Variants in KCNQ1 observed in about 807,000 individuals in gnomAD.
The protein encoded by KCNQ1 is potassium voltage-gated channel subfamily KQT member 1.
KCNQ1 carries 49 observed loss-of-function variants against 72.4 expected under a neutral mutation model. The ratio of observed to expected loss-of-function variants is 0.68; its 90% confidence interval spans 0.54 to 0.86. KCNQ1 has a LOEUF of 0.86. Among genes scored for constraint, KCNQ1 ranks in the 40% least tolerant of loss-of-function variants. The pLI is 0.00. For missense variants in KCNQ1, 790 were observed against 945.1 expected (o/e 0.84, Z 2.15); for synonymous variants, 450 against 412.6 (o/e 1.09, Z -1.10).
chr11:2,548,137 C>T (rs1343098613), intron 2 of KCNQ1, among the ~76,000 whole-genome samples: 1 of 152,080 alleles, frequency 6.6e-6, no homozygotes, highest in African/African-American at 2.4e-5. Context: ...AGGCCAGGCC[C>T]AGGATAAGGT....
chr11:2,694,337 A>G (rs1019031959), intron 11 of KCNQ1: 4 of 398,556 alleles, frequency 1.0e-5, no homozygotes, highest in African/African-American at 4.1e-5. Context: ...GGTGCCCCCC[A>G]GGGGACATAT....
chr11:2,606,251 T>G (rs1848877286), intron 10 of KCNQ1, among the ~76,000 whole-genome samples: 1 of 152,208 alleles, frequency 6.6e-6, no homozygotes, highest in Non-Finnish European at 1.5e-5. Context: ...AACTCATTCG[T>G]TGTAATTGTT....
At position 2,673,465 on chromosome 11, in the gene KCNQ1, C is replaced by G. The variant is rs1287029058; in HGVS notation, c.1514+11384C>G. 2 of 398,546 alleles carry G rather than the reference C, an allele frequency of 5.0e-6. No individual in the cohort carries two copies. The highest frequency in any genetic ancestry group is 4.1e-5 in the African/African-American group (2 of 48,630). The allele number at this position is 398,546 out of a possible 1,614,324, so 24.7% of individuals were successfully genotyped here. A position where few individuals can be genotyped will look rare whatever the true frequency, so the allele number is the denominator to read the frequency against. Reference sequence around the variant, plus strand: ...TGTTGGGCCTCCTTGAGCCGGAACACCTGAAAAGCCATACAGACTCCTGCT... The same window carrying G: ...TGTTGGGCCTCCTTGAGCCGGAACAGCTGAAAAGCCATACAGACTCCTGCT... On this transcript the variant is annotated intron_variant, in intron 11 of 15. Transcript: ENST00000155840. The surrounding 1 kb of genome is among the most constrained non-coding windows in gnomAD (Gnocchi z 4.5).
At position 2,479,145 on chromosome 11, in the gene KCNQ1, C is replaced by G. The variant is rs1846617233; in HGVS notation, c.386+33661C>G. ...ACAGCCTCCCTCCTGGCTGCTTTCA[C>G]AGGCTGGCATTGAGTGTCTGCAGCT... On this transcript the variant is annotated intron_variant, in intron 1 of 15. Transcript: ENST00000155840. The surrounding 1 kb of genome is among the most constrained non-coding windows in gnomAD (Gnocchi z 4.6). 6.6e-6 allele frequency among the ~76,000 whole-genome samples: 1 copy of G among 152,176 alleles called. No homozygotes were observed. The highest frequency in any genetic ancestry group is 2.4e-5 in the African/African-American group (1 of 41,450).
At chr11:2,615,592 G>A (rs537947465) in intron 10 of KCNQ1, 8 of 397,928 alleles carry the variant, frequency 2.0e-5, no homozygotes, top group African/African-American at 1.6e-4. Flanking sequence ...ATCCTGAAAG[G>A]TTGTAGAATT....
At chr11:2,763,743 C>A (rs1235006499) in intron 11 of KCNQ1, among the ~76,000 whole-genome samples, 1 of 151,978 alleles carries the variant, frequency 6.6e-6, no homozygotes, top group African/African-American at 2.4e-5. Flanking sequence ...TTTATTTTTT[C>A]TACAGATGGG....
chr11:2,662,536 A>G (rs1849980583), intron 11 of KCNQ1: 3 of 423,362 alleles, frequency 7.1e-6, no homozygotes, highest in African/African-American at 2.0e-5. Context: ...CTGATTTTCC[A>G]CGCCTTCCAG....
At position 2,599,251 on chromosome 11, in the gene KCNQ1, C is replaced by G. The variant is rs115979480; in HGVS notation, c.1393+10397C>G. On this transcript the variant is annotated intron_variant, in intron 10 of 15. Transcript: ENST00000155840. This position sits in a 1 kb window ranked among gnomAD's most constrained non-coding sequence, Gnocchi z 4.7. Reference sequence around the variant, plus strand: ...GCATTATCATTGTTTTCCAAACTCACGGGATCATATCATACCTGCTTTCTG... The same window carrying G: ...GCATTATCATTGTTTTCCAAACTCAGGGGATCATATCATACCTGCTTTCTG... Among the ~76,000 whole-genome samples, 1 of 152,118 alleles carries G rather than the reference C, an allele frequency of 6.6e-6. No individual in the cohort carries two copies. The highest frequency in any genetic ancestry group is 1.5e-5 in the Non-Finnish European group (1 of 68,022).
In KCNQ1 at chr11:2,818,623, C is replaced by G. The variant is rs1847669088; in HGVS notation, c.1795-29144C>G. Among the ~76,000 whole-genome samples the G allele has an allele frequency of 6.6e-6, 1 of 152,190 alleles. No individual in the cohort carries two copies. The highest frequency in any genetic ancestry group is 1.5e-5 in the Non-Finnish European group (1 of 68,030). On this transcript the variant is annotated intron_variant, in intron 15 of 15. Coordinates refer to ENST00000155840, the MANE Select transcript of KCNQ1 (RefSeq NM_000218.3). The surrounding 1 kb of genome is among the most constrained non-coding windows in gnomAD (Gnocchi z 7.2). The stretch of plus-strand genomic sequence containing the variant: ...TGGAAGCCCCCGGAATGCGGCCCAC[C>G]CTGTCTCCAGTTGTTCCCTACCAGC...
At chr11:2,675,518 A>G in intron 11 of KCNQ1, 1 of 398,686 alleles carries the variant, frequency 2.5e-6, no homozygotes, top group Non-Finnish European at 4.4e-6. Flanking sequence ...CATGCCATAC[A>G]CATTTCTTCC....
intron 15 of KCNQ1, among the ~76,000 whole-genome samples, chr11:2,780,721 C>A (rs1846808870): frequency 6.6e-6 from 1 of 152,192 alleles, no homozygotes; most frequent in Non-Finnish European, 1.5e-5. Flanking sequence ...AGGGAGTTCA[C>A]CAGTGCAGGC....
rs1850999923 is a variant in KCNQ1 at position 2,711,274 on chromosome 11, C to T, written c.1514+49193C>T. ...ACTGGGTTCTGCCCATCCTCCAGCC[C>T]ATCTCCCTTGGAGTCTCTCCCCGAC... On this transcript the variant is annotated intron_variant, in intron 11 of 15. Transcript: ENST00000155840. This position sits in a 1 kb window ranked among gnomAD's most constrained non-coding sequence, Gnocchi z 5.4. 1.3e-5 allele frequency among the ~76,000 whole-genome samples: 2 copies of T among 152,360 alleles called. No individual in the cohort carries two copies. The highest frequency in any genetic ancestry group is 2.4e-5 in the African/African-American group (1 of 41,584).
At chr11:2,490,151 G>A (rs1172350177) in intron 1 of KCNQ1, among the ~76,000 whole-genome samples, 3 of 152,246 alleles carry the variant, frequency 2.0e-5, no homozygotes, top group Non-Finnish European at 4.4e-5. Flanking sequence ...CTATGGGCCT[G>A]TAGTGGTGGT....
In KCNQ1 at chr11:2,781,523, C is replaced by T. The variant is rs1324397753; in HGVS notation, c.1794+3486C>T. 6.6e-6 allele frequency among the ~76,000 whole-genome samples: 1 copy of T among 152,186 alleles called. No homozygotes were observed. Among genetic ancestry groups the T allele is most frequent in the Non-Finnish European group, 1.5e-5 (1 of 68,022 alleles). ...GAGAGAGCTGGCCCTGCCCACTCCC[C>T]CTCTGGCCCCACTGGGCTTCCTGAA... On this transcript the variant is annotated intron_variant, in intron 15 of 15. Coordinates refer to ENST00000155840, the MANE Select transcript of KCNQ1 (RefSeq NM_000218.3). The surrounding 1 kb of genome is among the most constrained non-coding windows in gnomAD (Gnocchi z 6.6).
At chr11:2,847,580 C>T (rs1196554316) in intron 15 of KCNQ1, among the ~76,000 whole-genome samples, 187 bp from the exon 16 acceptor site, 1 of 152,236 alleles carries the variant, frequency 6.6e-6, no homozygotes, top group Non-Finnish European at 1.5e-5. Flanking sequence ...ATTCCTTGCA[C>T]ACACACAGGC....
At chr11:2,472,370 G>A (rs983592069) in intron 1 of KCNQ1, among the ~76,000 whole-genome samples, 3 of 151,222 alleles carry the variant, frequency 2.0e-5, no homozygotes, top group African/African-American at 4.9e-5. Flanking sequence ...GTGTACCTAT[G>A]TCTGTATAGG....
rs1049859076 is a variant in KCNQ1 at position 2,463,153 on chromosome 11, G to A, written c.386+17669G>A. Among the ~76,000 whole-genome samples the A allele has an allele frequency of 6.6e-6, 1 of 152,128 alleles. No homozygotes were observed. The highest frequency in any genetic ancestry group is 6.5e-5 in the Admixed American group (1 of 15,276). On this transcript the variant is annotated intron_variant, in intron 1 of 15. Transcript: ENST00000155840. The surrounding 1 kb of genome is among the most constrained non-coding windows in gnomAD (Gnocchi z 7.0). ...ATTCCGGGTTGTGCTTGGTCAGAGT[G>A]GGGAACTGGACGCTCCGTCCCTGGC...
In KCNQ1 at chr11:2,471,707, TGTGTGTATGTGTGCATGGGC is replaced by T. The variant is rs369105849; in HGVS notation, c.386+26250_386+26269del. On this transcript the variant is annotated intron_variant, in intron 1 of 15. Transcript: ENST00000155840. The surrounding 1 kb of genome is among the most constrained non-coding windows in gnomAD (Gnocchi z 4.8). ...GTATGGGTGTGCATGTGTGTATAGG[TGTGTGTATGTGTGCATGGGC>T]GTGTGTATGTGTGCATGGGCGTGTG... 0.021 allele frequency among the ~76,000 whole-genome samples: 3,169 copies of T among 150,176 alleles called. 117 individuals carry two copies. The highest frequency in any genetic ancestry group is 0.075 in the African/African-American group (3,037 of 40,500).
In KCNQ1 at chr11:2,515,295, G is replaced by A. The variant is rs2237868; in HGVS notation, c.387-12633G>A. Among the ~76,000 whole-genome samples the A allele has an allele frequency of 0.076, 11,536 of 152,192 alleles. 630 individuals carry two copies. The highest frequency in any genetic ancestry group is 0.15 in the African/African-American group (6,331 of 41,510). On this transcript the variant is annotated intron_variant, in intron 1 of 15. Transcript: ENST00000155840. This position sits in a 1 kb window ranked among gnomAD's most constrained non-coding sequence, Gnocchi z 4.7. ...GTGCCGTGTTTGGTTTTCTGTTTCC[G>A]GTAGTTCACTTAGGATCATGGTCTC...
Sources: allele counts gnomAD v4.1 joint callset (sites outside exome capture counted in the v4.1 genomes callset), GRCh38; gene constraint gnomAD v4.1.1; non-coding constraint Gnocchi (gnomAD v3.1); transcripts MANE v1.5; gene names NCBI Gene and HGNC (gene_info 2026-07-23, HGNC 2026-07-21).